The following CLPTM1 variants were observed in gnomAD, a reference collection of about 807,000 sequenced individuals.
The protein encoded by CLPTM1 is putative lipid scramblase CLPTM1.
Under a neutral mutation model 77.3 loss-of-function variants are expected in CLPTM1, and 21 were observed. The ratio of observed to expected loss-of-function variants is 0.27; its 90% CI spans 0.19 to 0.39. The LOEUF (loss-of-function observed/expected upper bound fraction) is 0.39. Ranked by LOEUF, CLPTM1 falls within the 10% of genes least tolerant of loss-of-function variation. CLPTM1 has a pLI of 1.00. For synonymous variants in CLPTM1, 373 were observed against 381.0 expected (o/e 0.98, Z 0.24); for missense variants, 642 against 921.2 (o/e 0.70, Z 3.92).
intron 1 of CLPTM1, among the ~76,000 whole-genome samples, chr19:44,960,288 C>T (rs1296814068): frequency 1.3e-5 from 2 of 152,228 alleles, no homozygotes; most frequent in Non-Finnish European, 2.9e-5. Context: ...GTTGCTGTCA[C>T]TTCCCCCTGC....
intron 1 of CLPTM1, chr19:44,955,704 T>C: frequency 2.6e-6 from 1 of 387,616 alleles, no homozygotes; most frequent in Non-Finnish European, 4.5e-6. Context: ...CCAGGCTCAT[T>C]GCTCGATCCG....
chr19:44,973,294 A>G, intron 3 of CLPTM1, 84 bp downstream of exon 3: 1 of 1,584,952 alleles, frequency 6.3e-7, no homozygotes. Flanking sequence ...AGCAGTCGGG[A>G]CAGACCAGGT....
chr19:44,987,018 G>C, intron 7 of CLPTM1, 161 bp from the exon 8 acceptor site: 1 of 938,824 alleles, frequency 1.1e-6, no homozygotes, highest in Non-Finnish European at 1.6e-6. Context: ...CCTCTGCTGA[G>C]GTCAAGGCAC....
At position 44,991,017 on chromosome 19, in the gene CLPTM1, G is replaced by C; in HGVS notation, c.1419+72G>C. The C allele has an allele frequency of 7.3e-7, 1 of 1,374,060 alleles. No homozygotes were observed. Among genetic ancestry groups the C allele is most frequent in the Non-Finnish European group, 1.0e-6 (1 of 973,426 alleles). The allele number at this position is 1,374,060 out of a possible 1,614,324, so 85.1% of individuals were successfully genotyped here. On this transcript the variant is annotated intron_variant, in intron 11 of 13. Coordinates refer to ENST00000337392, the MANE Select transcript of CLPTM1 (RefSeq NM_001294.4). The surrounding 1 kb of genome is among the most constrained non-coding windows in gnomAD (Gnocchi z 5.4). ...ACGTATCCCTGAGGCACCCGGGGCC[G>C]GCCATCTGTCTGCCGGACCCATGCT...
rs568539073 is a variant in CLPTM1 at position 44,967,234 on chromosome 19, G to A, written c.185+5159G>A. Among the ~76,000 whole-genome samples the A allele has an allele frequency of 2.7e-3, 414 of 152,276 alleles. 1 individual carries two copies. The highest frequency in any genetic ancestry group is 0.017 in the Middle Eastern group (5 of 294). On this transcript the variant is annotated intron_variant, in intron 2 of 13. Coordinates refer to ENST00000337392, the MANE Select transcript of CLPTM1 (RefSeq NM_001294.4). ...TTAGGGAGGCCGAAGAGGGAGGATC[G>A]CTTGAGCCCAGGAGGTCAAGGCTGC... is the stretch of plus-strand genomic sequence containing the variant.
Position 44,974,573 on chromosome 19 carries a change from C to T in CLPTM1, c.444C>T (p.His148=), listed in dbSNP as rs767035401. The change falls in exon 4 of 14, where the codon CAC becomes CAT. Residue 148 remains histidine, a synonymous_variant. Transcript: ENST00000337392. ...SGENSDGCYE[H]FAELDIPQSV... is the part of the protein sequence containing the mutation. ...AGAACTCAGACGGCTGCTACGAGCA[C>T]TTTGCTGAGCTCGATATCCCACAGG... The T allele has an allele frequency of 3.5e-5, 57 of 1,614,008 alleles. No individual in the cohort carries two copies. The highest frequency in any genetic ancestry group is 4.6e-5 in the Non-Finnish European group (54 of 1,179,984).
chr19:44,982,357 A>T (rs1970911595), intron 5 of CLPTM1, among the ~76,000 whole-genome samples: 1 of 152,116 alleles, frequency 6.6e-6, no homozygotes, highest in Non-Finnish European at 1.5e-5. Context: ...AAAAAAAAAA[A>T]AAAGGGTCTA....
At chr19:44,982,346 CAAAAA>C (rs200485766) in intron 5 of CLPTM1, among the ~76,000 whole-genome samples, 1 of 132,800 alleles carries the variant, frequency 7.5e-6, no homozygotes, top group Admixed American at 7.5e-5. Context: ...GAGACTATGT[CAAAAA>C]AAAAAAAAAG....
At position 44,991,419 on chromosome 19, in the gene CLPTM1, CAGG is replaced by C. The variant is rs1971074103; in HGVS notation, c.1555+47_1555+49del. The C allele has an allele frequency of 6.3e-7, 1 of 1,594,240 alleles. No homozygotes were observed. Among genetic ancestry groups the C allele is most frequent in the Non-Finnish European group, 8.5e-7 (1 of 1,173,204 alleles). On this transcript the variant is annotated intron_variant, in intron 12 of 13. Transcript: ENST00000337392. The surrounding 1 kb of genome is among the most constrained non-coding windows in gnomAD (Gnocchi z 5.4). Reference sequence around the variant, plus strand: ...AGGAGAGAGCAGGCCCCATGCTGCGCAGGGCTCACAGCCCCAGTGTAGGAGACA... The same window carrying C: ...AGGAGAGAGCAGGCCCCATGCTGCGCGCTCACAGCCCCAGTGTAGGAGACA...
At chr19:44,955,782 C>T in intron 1 of CLPTM1, 2 of 304,624 alleles carry the variant, frequency 6.6e-6, no homozygotes, top group Non-Finnish European at 1.2e-5. Context: ...TCCGCGATTC[C>T]ATGCTCTGAG....
At position 44,974,612 on chromosome 19, in the gene CLPTM1, C is replaced by T. The variant is rs200762359; in HGVS notation, c.468+15C>T. Reference sequence around the variant, plus strand: ...ATATCCCACAGGTGGGGGCAGCTCTCGGTTTCTGGCCCCATGGCTGCTTGA... The same window carrying T: ...ATATCCCACAGGTGGGGGCAGCTCTTGGTTTCTGGCCCCATGGCTGCTTGA... On this transcript the variant is annotated intron_variant, in intron 4 of 13. Transcript: ENST00000337392. 205 of 1,608,948 alleles carry T rather than the reference C, an allele frequency of 1.3e-4. No homozygotes were observed. In the East Asian group the frequency reaches 3.6e-3, roughly 28 times the overall value.
chr19:44,981,277 G>A (rs1486996402), intron 5 of CLPTM1, among the ~76,000 whole-genome samples: 1 of 152,134 alleles, frequency 6.6e-6, no homozygotes, highest in Non-Finnish European at 1.5e-5. Flanking sequence ...AAGTAGCTGG[G>A]ATTACAGTCA....
At chr19:44,966,207 C>T (rs1970625297) in intron 2 of CLPTM1, among the ~76,000 whole-genome samples, 1 of 152,080 alleles carries the variant, frequency 6.6e-6, no homozygotes, top group Non-Finnish European at 1.5e-5. Flanking sequence ...GTTAGGAGAT[C>T]GAGACCATCC....
At position 44,993,125 on chromosome 19, in the gene CLPTM1, C is replaced by T. The variant is rs1210872313; in HGVS notation, c.*228C>T. ...TCCCTCTGTGTTTCCAGCCATCTCG[C>T]CCTGCCAGCCCAGCACCACTGGGAA... On this transcript the variant is annotated 3_prime_UTR_variant, in exon 14 of 14. Coordinates refer to ENST00000337392, the MANE Select transcript of CLPTM1 (RefSeq NM_001294.4). 1 of 693,062 alleles carries T rather than the reference C, an allele frequency of 1.4e-6. No individual in the cohort carries two copies. Among genetic ancestry groups the T allele is most frequent in the South Asian group, 1.5e-5 (1 of 68,614 alleles). 42.9% of individuals were successfully genotyped at this position (693,062 alleles called of 1,614,324 possible).
At chr19:44,965,505 A>G (rs528735080) in intron 2 of CLPTM1, among the ~76,000 whole-genome samples, 34 of 150,172 alleles carry the variant, frequency 2.3e-4, no homozygotes, top group African/African-American at 8.1e-4. Context: ...TCAAAAAAAA[A>G]AGAGAAAATA....
intron 8 of CLPTM1, chr19:44,987,662 G>C: frequency 1.7e-6 from 1 of 583,080 alleles, no homozygotes; most frequent in Non-Finnish European, 3.1e-6. Flanking sequence ...GTCCAGACCT[G>C]TCCCTTCCTC....
At position 44,988,071 on chromosome 19, in the gene CLPTM1, C is replaced by T. The variant is rs1352829458; in HGVS notation, c.1039-9C>T. 9 of 1,605,628 alleles carry T rather than the reference C, an allele frequency of 5.6e-6. No individual in the cohort carries two copies. Among genetic ancestry groups the T allele is most frequent in the African/African-American group, 1.3e-5 (1 of 74,766 alleles). On this transcript the variant is annotated splice_polypyrimidine_tract_variant and intron_variant, in intron 8 of 13. Transcript: ENST00000337392. Reference sequence around the variant, plus strand: ...GGGGACAGGCTGTGCTCACATGTGTCCCCTGCAGGTGGCCCTGCTGGAGAC... The same window carrying T: ...GGGGACAGGCTGTGCTCACATGTGTTCCCTGCAGGTGGCCCTGCTGGAGAC...
In CLPTM1 at chr19:44,992,589, A is replaced by G. The variant is rs1004599477; in HGVS notation, c.1724-22A>G. 2.5e-6 allele frequency: 4 copies of G among 1,612,222 alleles called. No individual in the cohort carries two copies. The highest frequency in any genetic ancestry group is 2.7e-5 in the African/African-American group (2 of 74,868). ...TGTGGACGGGCCAGCCCGACCTCAC[A>G]CTGCCTCCCACCCCTCTCCAGATGT... On this transcript the variant is annotated intron_variant, in intron 13 of 13. Coordinates refer to ENST00000337392, the MANE Select transcript of CLPTM1 (RefSeq NM_001294.4). The surrounding 1 kb of genome is among the most constrained non-coding windows in gnomAD (Gnocchi z 7.7).
rs748659713 is a variant in CLPTM1 at position 44,992,602 on chromosome 19, C to T, written c.1724-9C>T. 3.1e-6 allele frequency: 5 copies of T among 1,613,428 alleles called. No individual in the cohort carries two copies. Among genetic ancestry groups the T allele is most frequent in the Non-Finnish European group, 4.2e-6 (5 of 1,179,858 alleles). ...GCCCGACCTCACACTGCCTCCCACC[C>T]CTCTCCAGATGTGGTTTTCTTCATC... On this transcript the variant is annotated splice_polypyrimidine_tract_variant and intron_variant, in intron 13 of 13. Coordinates refer to ENST00000337392, the MANE Select transcript of CLPTM1 (RefSeq NM_001294.4). The surrounding 1 kb of genome is among the most constrained non-coding windows in gnomAD (Gnocchi z 7.7).
Sources: allele counts gnomAD v4.1 joint callset (sites outside exome capture counted in the v4.1 genomes callset), GRCh38; gene constraint gnomAD v4.1.1; non-coding constraint Gnocchi (gnomAD v3.1); transcripts MANE v1.5; gene names NCBI Gene and HGNC (gene_info 2026-07-23, HGNC 2026-07-21).